APBB2: variants seen among roughly 807,000 people sequenced by gnomAD.
The protein encoded by APBB2 is Fe65-like 1.
In APBB2, 38 loss-of-function variants were observed where a neutral mutation model predicts 82.5. That is an observed-to-expected ratio of 0.46 (90% CI 0.36 to 0.60). The LOEUF (loss-of-function observed/expected upper bound fraction) is 0.60, where lower values mean the gene tolerates loss of function less well. APBB2 is among the 20% of genes least tolerant of loss of function. The probability of loss-of-function intolerance (pLI) is 0.00; values close to 1 mark genes in which losing one functional copy is unlikely to be tolerated. For synonymous variants in APBB2, 341 were observed against 368.2 expected (o/e 0.93, Z 0.85); for missense variants, 772 against 972.3 (o/e 0.79, Z 2.74).
intron 12 of APBB2, chr4:40,848,880 TC>T: frequency 1.0e-6 from 1 of 985,254 alleles, no homozygotes; most frequent in Non-Finnish European, 1.2e-6. Flanking sequence ...ACCCTGAGGA[TC>T]CCCCAGTCAT....
intron 3 of APBB2, chr4:41,084,660 G>C (rs1738975430): frequency 6.6e-6 from 1 of 152,168 alleles, no homozygotes; most frequent in Non-Finnish European, 1.5e-5. Flanking sequence ...GAGAAGATTA[G>C]CATGGTCCCT....
rs1235968828 is a variant in APBB2 at position 40,944,788 on chromosome 4, G to A, written c.1044+77C>T. The A allele has an allele frequency of 1.0e-5, 15 of 1,450,724 alleles. No homozygotes were observed. In the Admixed American group the frequency reaches 1.9e-4, roughly 18 times the overall value. The allele number at this position is 1,450,724 out of a possible 1,614,324, so 89.9% of individuals were successfully genotyped here. ...AAGCTTACCTTGATGACCTGTTGGG[G>A]CAGAAGCAACCAGTGTAAAGAGAAA... On this transcript the variant is annotated intron_variant, in intron 7 of 17. Transcript: ENST00000508593.
chr4:40,916,742 C>A (rs1455924815), intron 10 of APBB2, among the ~76,000 whole-genome samples: 1 of 152,148 alleles, frequency 6.6e-6, no homozygotes, highest in Non-Finnish European at 1.5e-5. Flanking sequence ...CCCTGGTGAT[C>A]ACACAAAAAC....
intron 17 of APBB2, among the ~76,000 whole-genome samples, chr4:40,820,122 A>C (rs546820500): frequency 6.6e-6 from 1 of 152,236 alleles, no homozygotes; most frequent in African/African-American, 2.4e-5. Flanking sequence ...TCCAGCCCGT[A>C]AGTGCGAGGC....
intron 1 of APBB2, among the ~76,000 whole-genome samples, chr4:41,198,661 G>GT: frequency 6.6e-6 from 1 of 152,178 alleles, no homozygotes; most frequent in African/African-American, 2.4e-5. Context: ...TGTGGCTGCT[G>GT]TAAGAAACTG....
chr4:40,845,556 G>T (rs962505755), intron 12 of APBB2, among the ~76,000 whole-genome samples: 24 of 105,096 alleles, frequency 2.3e-4, no homozygotes, highest in Non-Finnish European at 3.7e-4. Flanking sequence ...CCTGGCATGT[G>T]TAACTGGAAT....
rs374033109 is a variant in APBB2 at position 40,890,415 on chromosome 4, G to A, written c.1478C>T (p.Ser493Leu). Residue 493 changes from serine to leucine, a missense_variant, in exon 12 of 18, where the codon TCG becomes TTG. Ser to Leu is a moderately radical substitution (Grantham distance 145). Transcript: ENST00000508593. ...CACGCGGATGCTGACGATGGGCTGC[G>A]AGTGCAGCACGCTGCGGTCCATGGG... is the stretch of plus-strand genomic sequence containing the variant. The part of the protein sequence containing the change: ...VDPMDRSVLH[S>L]QPIVSIRVWG... The A allele has an allele frequency of 1.4e-5, 23 of 1,613,876 alleles. 1 individual carries two copies. Among genetic ancestry groups the A allele is most frequent in the South Asian group, 5.5e-5 (5 of 91,070 alleles).
At chr4:40,962,148 A>G (rs1412796515) in intron 6 of APBB2, among the ~76,000 whole-genome samples, 4 of 152,154 alleles carry the variant, frequency 2.6e-5, no homozygotes, top group African/African-American at 4.8e-5. Flanking sequence ...CAGAGCTCTG[A>G]GTTTTTCAAA....
At chr4:41,093,885 G>C (rs910294143) in intron 3 of APBB2, among the ~76,000 whole-genome samples, 1 of 151,488 alleles carries the variant, frequency 6.6e-6, no homozygotes, top group African/African-American at 2.4e-5. Context: ...ATAAGCAGAA[G>C]AGATGGAATC....
intron 1 of APBB2, among the ~76,000 whole-genome samples, chr4:41,189,722 C>A (rs1773884493): frequency 6.6e-6 from 1 of 152,212 alleles, no homozygotes; most frequent in Non-Finnish European, 1.5e-5. Context: ...GGCTCAGATT[C>A]TTCAGCCATA....
chr4:40,826,062 C>G lies in APBB2; in HGVS notation c.1733-92G>C. On this transcript the variant is annotated intron_variant, in intron 14 of 17. Transcript: ENST00000508593. The surrounding 1 kb of genome is among the most constrained non-coding windows in gnomAD (Gnocchi z 4.5). ...CTCTGCATCATCTGAATGCTCAGGA[C>G]ACGCCCTGTGCCATAACGCCCTATG... 1.1e-6 allele frequency: 1 copy of G among 940,274 alleles called. No homozygotes were observed. Among genetic ancestry groups the G allele is most frequent in the Non-Finnish European group, 1.8e-6 (1 of 567,646 alleles). 58.2% of individuals were successfully genotyped at this position (940,274 alleles called of 1,614,324 possible). A position where few individuals can be genotyped will look rare whatever the true frequency, so the allele number is the denominator to read the frequency against.
intron 12 of APBB2, among the ~76,000 whole-genome samples, chr4:40,884,330 T>A (rs746061163): frequency 1.3e-5 from 2 of 152,216 alleles, no homozygotes; most frequent in African/African-American, 2.4e-5. Flanking sequence ...AGTCAAAGTT[T>A]TGCATATTCT....
intron 3 of APBB2, among the ~76,000 whole-genome samples, chr4:41,071,322 T>A (rs1361435869): frequency 1.3e-5 from 2 of 152,212 alleles, no homozygotes; most frequent in Non-Finnish European, 2.9e-5. Context: ...ATTCTATAAT[T>A]CAATAATTAT....
At chr4:41,124,052 G>T (rs1323263298) in intron 2 of APBB2, among the ~76,000 whole-genome samples, 5 of 152,046 alleles carry the variant, frequency 3.3e-5, no homozygotes. Context: ...GAAGAAGCTT[G>T]CCCACAGAGC....
chr4:41,081,990 C>G (rs904310973), intron 3 of APBB2, among the ~76,000 whole-genome samples: 1 of 151,860 alleles, frequency 6.6e-6, no homozygotes, highest in Non-Finnish European at 1.5e-5. Flanking sequence ...AGGAAAAAGA[C>G]TTGTGACACA....
At chr4:40,960,194 T>C (rs906974944) in intron 6 of APBB2, among the ~76,000 whole-genome samples, 5 of 152,154 alleles carry the variant, frequency 3.3e-5, no homozygotes, top group Admixed American at 1.3e-4. Context: ...TGAGATTATG[T>C]TGTGAAAACA....
chr4:40,870,347 G>A (rs1019207367), intron 12 of APBB2, among the ~76,000 whole-genome samples: 42 of 152,140 alleles, frequency 2.8e-4, no homozygotes, highest in Non-Finnish European at 2.9e-5. Context: ...ACAGGGACCC[G>A]TGCCAAGCCC....
intron 1 of APBB2, among the ~76,000 whole-genome samples, chr4:41,178,757 T>C (rs1342831915): frequency 6.6e-6 from 1 of 152,230 alleles, no homozygotes; most frequent in African/African-American, 2.4e-5. Context: ...AAAAGTTCAC[T>C]GAGTCACCCA....
chr4:41,014,188 G>C lies in APBB2; in HGVS notation c.230C>G (p.Ala77Gly). ...RKKYALTNIQAAMGLSDPAAQ... is the reference protein window; with the variant it reads ...RKKYALTNIQGAMGLSDPAAQ... ...AGCTGGATCCGAGAGGCCCATGGCCGCCTGGATGTTAGTTAGTGCATATTT... is the reference window on the plus strand; with the variant it reads ...AGCTGGATCCGAGAGGCCCATGGCCCCCTGGATGTTAGTTAGTGCATATTT... Residue 77 changes from alanine to glycine, a missense_variant, in exon 6 of 18, where the codon GCG (alanine) becomes GGG (glycine). Transcript: ENST00000508593. 2 of 1,614,172 alleles carry C rather than the reference G, an allele frequency of 1.2e-6. No homozygotes were observed. The highest frequency in any genetic ancestry group is 1.7e-6 in the Non-Finnish European group (2 of 1,180,032).
Sources: gnomAD v4.1 joint callset for allele counts (sites outside exome capture counted in the v4.1 genomes callset) on GRCh38, gnomAD v4.1.1 for gene constraint, Gnocchi (gnomAD v3.1) non-coding constraint, MANE v1.5 for transcripts, NCBI Gene and HGNC (gene_info 2026-07-23, HGNC 2026-07-21) for gene names.